SLC24A2: variants seen among roughly 807,000 people sequenced by gnomAD.
The protein encoded by SLC24A2 is sodium/potassium/calcium exchanger 2.
Under a neutral mutation model 62.0 loss-of-function variants are expected in SLC24A2, and 36 were observed. That is an observed-to-expected ratio of 0.58 (90% CI 0.44 to 0.77). The LOEUF (loss-of-function observed/expected upper bound fraction) is 0.77. Among genes scored for constraint, SLC24A2 ranks in the 30% least tolerant of loss-of-function variants. The pLI is 0.00. For synonymous variants in SLC24A2, 358 were observed against 294.0 expected (o/e 1.22, Z -2.23); for missense variants, 846 against 817.9 (o/e 1.03, Z -0.42).
chr9:20,275,485 C>T, the SLC24A2 span, among the ~76,000 whole-genome samples: 1 of 152,198 alleles, frequency 6.6e-6, no homozygotes, highest in Non-Finnish European at 1.5e-5. Context: ...GTCTGGCTTT[C>T]AGGCCACCAA....
chr9:19,627,056 C>T (rs1015337792), intron 2 of SLC24A2, among the ~76,000 whole-genome samples: 1 of 152,114 alleles, frequency 6.6e-6, no homozygotes, highest in Admixed American at 6.6e-5. Flanking sequence ...AATTTAAATT[C>T]AAATTACTTT....
chr9:19,568,264 C>G (rs1835736271), intron 7 of SLC24A2, among the ~76,000 whole-genome samples: 1 of 152,200 alleles, frequency 6.6e-6, no homozygotes, highest in Non-Finnish European at 1.5e-5. Flanking sequence ...CCCCATCACC[C>G]AGACTTTCCA....
At chr9:19,823,634 CA>C in the SLC24A2 span, among the ~76,000 whole-genome samples, 4 of 12,834 alleles carry the variant, frequency 3.1e-4, no homozygotes, top group African/African-American at 3.8e-4. Context: ...TCTCAAAAAA[CA>C]AAACAAAACA....
chr9:19,702,362 G>T (rs555763690), intron 2 of SLC24A2, among the ~76,000 whole-genome samples: 5 of 152,258 alleles, frequency 3.3e-5, no homozygotes, highest in African/African-American at 1.2e-4. Context: ...TATATGTTGA[G>T]CCATCTCAGT....
intron 2 of SLC24A2, among the ~76,000 whole-genome samples, chr9:19,636,315 T>TTTCCC (rs1554690361): frequency 5.0e-5 from 2 of 40,324 alleles, no homozygotes; most frequent in African/African-American, 2.3e-4. Context: ...TTTTCTTTTC[T>TTTCCC]TTTCTTTCTT....
At chr9:19,944,006 A>G in the SLC24A2 span, among the ~76,000 whole-genome samples, 2 of 152,222 alleles carry the variant, frequency 1.3e-5, no homozygotes, top group Non-Finnish European at 2.9e-5. Flanking sequence ...AAATTAATGC[A>G]AGAACAGAAA....
At chr9:19,761,715 A>C (rs1564085983) in intron 2 of SLC24A2, among the ~76,000 whole-genome samples, 1 of 151,446 alleles carries the variant, frequency 6.6e-6, no homozygotes, top group Non-Finnish European at 1.5e-5. Flanking sequence ...CCCACCTATG[A>C]GTGAAAACAT....
the SLC24A2 span, among the ~76,000 whole-genome samples, chr9:20,194,182 C>T: frequency 2.0e-5 from 3 of 152,122 alleles, no homozygotes; most frequent in Admixed American, 2.0e-4. Context: ...GATAAAATGT[C>T]TTTTAAGCAT....
At chr9:19,889,744 T>C in the SLC24A2 span, among the ~76,000 whole-genome samples, 9 of 152,228 alleles carry the variant, frequency 5.9e-5, no homozygotes, top group Non-Finnish European at 8.8e-5. Context: ...CCATGGTGGC[T>C]GTCAAAATCC....
chr9:20,015,280 C>A, the SLC24A2 span, among the ~76,000 whole-genome samples: 1 of 152,146 alleles, frequency 6.6e-6, no homozygotes, highest in Non-Finnish European at 1.5e-5. Context: ...TGAGCTGGAA[C>A]CTGCATCAGC....
At chr9:20,087,059 C>T in the SLC24A2 span, among the ~76,000 whole-genome samples, 1 of 152,168 alleles carries the variant, frequency 6.6e-6, no homozygotes, top group South Asian at 2.1e-4. Flanking sequence ...GAAATGGCAG[C>T]TGGACCATAT....
intron 2 of SLC24A2, among the ~76,000 whole-genome samples, chr9:19,637,206 T>C (rs1169474988): frequency 6.6e-6 from 1 of 152,152 alleles, no homozygotes; most frequent in East Asian, 1.9e-4. Context: ...CACAGAGCAT[T>C]TTACTCACAC....
the SLC24A2 span, among the ~76,000 whole-genome samples, chr9:20,237,321 G>A: frequency 6.6e-5 from 10 of 152,278 alleles, no homozygotes; most frequent in East Asian, 1.2e-3. Context: ...GTAAAGGTAG[G>A]TCATAAAATT....
At chr9:19,867,419 C>T in the SLC24A2 span, among the ~76,000 whole-genome samples, 1 of 152,158 alleles carries the variant, frequency 6.6e-6, no homozygotes, top group Non-Finnish European at 1.5e-5. Context: ...TAATTTGTGT[C>T]TTTCTAGGAA....
At chr9:19,654,546 T>C (rs146664281) in intron 2 of SLC24A2, among the ~76,000 whole-genome samples, 70 of 152,312 alleles carry the variant, frequency 4.6e-4, no homozygotes, top group African/African-American at 1.6e-3. Context: ...ATATTATCCA[T>C]GAATTTCATT....
chr9:20,073,895 C>T, the SLC24A2 span, among the ~76,000 whole-genome samples: 105 of 129,494 alleles, frequency 8.1e-4, 2 homozygotes, highest in East Asian at 0.025. Flanking sequence ...TATATACACA[C>T]ATATATATAT....
At chr9:19,906,235 C>T in the SLC24A2 span, among the ~76,000 whole-genome samples, 1 of 151,934 alleles carries the variant, frequency 6.6e-6, no homozygotes, top group African/African-American at 2.4e-5. Flanking sequence ...CTACTGGGTA[C>T]ATAACGAAAT....
chr9:19,751,568 C>T (rs766191180), intron 2 of SLC24A2, among the ~76,000 whole-genome samples: 21 of 152,108 alleles, frequency 1.4e-4, no homozygotes, highest in Non-Finnish European at 4.4e-5. Flanking sequence ...TAAGAAACTT[C>T]AGCCAATGCT....
chr9:19,570,347 G>T (rs7036497), intron 7 of SLC24A2, among the ~76,000 whole-genome samples: 138,290 of 152,236 alleles, frequency 0.91, 62,948 homozygotes, highest in East Asian at 1. Flanking sequence ...GACAAACTCC[G>T]ACTCACCCAT....
Sources: allele counts gnomAD v4.1 joint callset (sites outside exome capture counted in the v4.1 genomes callset), GRCh38; gene constraint gnomAD v4.1.1; transcripts MANE v1.5; gene names NCBI Gene and HGNC (gene_info 2026-07-23, HGNC 2026-07-21).